Variants in KCNJ16 observed in about 807,000 individuals in gnomAD.
The protein encoded by KCNJ16 is inward rectifier potassium channel 16.
KCNJ16 carries 15 observed loss-of-function variants against 18.5 expected under a neutral mutation model. The observed-to-expected ratio is 0.81, with a 90% CI of 0.54 to 1.25. The LOEUF is 1.25. Ranked by LOEUF, KCNJ16 falls within the 50% of genes most tolerant of loss-of-function variation. The pLI, the probability that KCNJ16 is intolerant of heterozygous loss-of-function variation, is 0.00. For synonymous variants in KCNJ16, 174 were observed against 186.5 expected, an observed-to-expected ratio of 0.93 and a Z score of 0.55; for missense variants, 523 against 525.7, an observed-to-expected ratio of 0.99 and a Z score of 0.05.
At chr17:70,127,054 T>C (rs1275485031) in intron 2 of KCNJ16, among the ~76,000 whole-genome samples, 2 of 152,200 alleles carry the variant, frequency 1.3e-5, no homozygotes, top group African/African-American at 2.4e-5. Context: ...CCCCTTTCTA[T>C]AGTAAACTGG....
rs2074121004 is a variant in KCNJ16 at position 70,133,091 on chromosome 17, A to G, written c.1004A>G (p.Tyr335Cys). The G allele has an allele frequency of 6.2e-7, 1 of 1,614,194 alleles. No homozygotes were observed. Among genetic ancestry groups the G allele is most frequent in the Non-Finnish European group, 8.5e-7 (1 of 1,180,032 alleles). ...CLQFEGSVEVYAPFCSAKQLD... is the reference protein window; with the variant it reads ...CLQFEGSVEVCAPFCSAKQLD... Reference sequence around the variant, plus strand: ...CAGTTTGAAGGAAGTGTGGAAGTATATGCCCCCTTTTGCAGTGCCAAGCAA... The same window carrying G: ...CAGTTTGAAGGAAGTGTGGAAGTATGTGCCCCCTTTTGCAGTGCCAAGCAA... Residue 335 changes from tyrosine to cysteine, a missense_variant, in exon 4 of 4, where the codon TAT (tyrosine) becomes TGT (cysteine). Transcript: ENST00000392671.
At chr17:70,099,313 G>A (rs1334334590) in intron 1 of KCNJ16, among the ~76,000 whole-genome samples, 1 of 152,142 alleles carries the variant, frequency 6.6e-6, no homozygotes, top group Non-Finnish European at 1.5e-5. Context: ...AGGTAAAGAA[G>A]CAACTACAAA....
At chr17:70,116,165 T>A (rs543480169) in intron 2 of KCNJ16, among the ~76,000 whole-genome samples, 7 of 152,322 alleles carry the variant, frequency 4.6e-5, no homozygotes, top group Non-Finnish European at 1.0e-4. Flanking sequence ...TCTCCATTTT[T>A]AAATATATTT....
intron 2 of KCNJ16, among the ~76,000 whole-genome samples, chr17:70,106,761 G>T (rs541318526): frequency 6.6e-6 from 1 of 152,276 alleles, no homozygotes; most frequent in South Asian, 2.1e-4. Context: ...ATCTCTGCAG[G>T]TCAGCCATGC....
chr17:70,082,690 C>T (rs562192696), intron 1 of KCNJ16, among the ~76,000 whole-genome samples: 3 of 152,284 alleles, frequency 2.0e-5, no homozygotes, highest in South Asian at 4.1e-4. Context: ...TTGGTATTAA[C>T]TTGCTGCCAC....
At chr17:70,120,549 G>A (rs1354791767) in intron 2 of KCNJ16, among the ~76,000 whole-genome samples, 2 of 152,152 alleles carry the variant, frequency 1.3e-5, no homozygotes, top group African/African-American at 4.8e-5. Flanking sequence ...CTGCTTCTGG[G>A]GTTGCCTCAG....
intron 1 of KCNJ16, among the ~76,000 whole-genome samples, chr17:70,079,126 A>T (rs768917309): frequency 6.6e-6 from 1 of 152,190 alleles, no homozygotes; most frequent in Non-Finnish European, 1.5e-5. Context: ...TCAAGCGATT[A>T]TGGTGGCTGG....
At chr17:70,109,177 G>T (rs1034827944) in intron 2 of KCNJ16, among the ~76,000 whole-genome samples, 6 of 152,128 alleles carry the variant, frequency 3.9e-5, no homozygotes, top group Non-Finnish European at 5.9e-5. Context: ...GTAATAAAAT[G>T]AGATAAATTT....
chr17:70,115,461 A>G (rs1040460276), intron 2 of KCNJ16, among the ~76,000 whole-genome samples: 1 of 152,138 alleles, frequency 6.6e-6, no homozygotes, highest in Non-Finnish European at 1.5e-5. Context: ...AGCAATAGAG[A>G]CCTCAAAGTA....
intron 2 of KCNJ16, among the ~76,000 whole-genome samples, chr17:70,107,219 G>T (rs892952842): frequency 3.3e-5 from 5 of 152,178 alleles, no homozygotes; most frequent in African/African-American, 1.2e-4. Context: ...GATTCAAACA[G>T]AAACTAGACT....
chr17:70,115,658 G>T (rs566321508), intron 2 of KCNJ16, among the ~76,000 whole-genome samples: 1 of 152,092 alleles, frequency 6.6e-6, no homozygotes, highest in African/African-American at 2.4e-5. Context: ...AATGCATTTG[G>T]TGCCCATTTA....
intron 2 of KCNJ16, among the ~76,000 whole-genome samples, chr17:70,107,688 T>A (rs192534926): frequency 0.011 from 1,622 of 146,258 alleles, 33 homozygotes; most frequent in African/African-American, 0.035. Flanking sequence ...ACAATTTTTT[T>A]AAAAAAAAAA....
chr17:70,082,938 A>G (rs1392951765), intron 1 of KCNJ16, among the ~76,000 whole-genome samples: 2 of 152,146 alleles, frequency 1.3e-5, no homozygotes, highest in Non-Finnish European at 2.9e-5. Context: ...CTCCACCATC[A>G]GTTTCTTCAT....
intron 1 of KCNJ16, among the ~76,000 whole-genome samples, chr17:70,099,620 C>T (rs1159941252): frequency 6.6e-6 from 1 of 151,994 alleles, no homozygotes; most frequent in Non-Finnish European, 1.5e-5. Context: ...GGTGTTAATG[C>T]CTTTCTCATG....
At chr17:70,095,984 A>G (rs12943184) in intron 1 of KCNJ16, among the ~76,000 whole-genome samples, 127,258 of 149,550 alleles carry the variant, frequency 0.85, 54,095 homozygotes, top group East Asian at 0.96. Context: ...CCGGGTTCAC[A>G]CCATTCTCCT....
At chr17:70,098,757 T>C (rs1043160361) in intron 1 of KCNJ16, among the ~76,000 whole-genome samples, 3 of 152,182 alleles carry the variant, frequency 2.0e-5, no homozygotes, top group African/African-American at 7.2e-5. Context: ...ATAGTAGCTT[T>C]GAAGTTGAAT....
chr17:70,103,321 T>TACACACACACAC (rs1321986647), intron 2 of KCNJ16, among the ~76,000 whole-genome samples: 29 of 44,438 alleles, frequency 6.5e-4, no homozygotes, highest in South Asian at 1.1e-3. Context: ...TATATATATA[T>TACACACACACAC]ACACACACAT....
intron 3 of KCNJ16, 124 bp from the exon 4 acceptor site, chr17:70,131,871 A>T (rs755815121): frequency 1.6e-4 from 126 of 789,016 alleles, no homozygotes; most frequent in Non-Finnish European, 2.4e-4. Context: ...AATACTGTGC[A>T]CCTAATGTTC....
At chr17:70,129,898 TTTCA>T (rs1156949026) in intron 2 of KCNJ16, among the ~76,000 whole-genome samples, 16 of 141,668 alleles carry the variant, frequency 1.1e-4, no homozygotes, top group East Asian at 6.1e-4. Context: ...AAATAAAACC[TTTCA>T]TTTATTTATT....
Sources: allele counts gnomAD v4.1 joint callset (sites outside exome capture counted in the v4.1 genomes callset), GRCh38; gene constraint gnomAD v4.1.1; transcripts MANE v1.5; gene names NCBI Gene and HGNC (gene_info 2026-07-23, HGNC 2026-07-21).